The following ENG variants were observed in gnomAD, a reference collection of about 807,000 sequenced individuals.
The protein encoded by ENG is CD105 antigen.
ENG carries 17 observed loss-of-function variants against 71.0 expected under a neutral mutation model. That is an observed-to-expected ratio of 0.24 (90% CI 0.16 to 0.36). ENG has a LOEUF of 0.36. Among genes scored for constraint, ENG ranks in the 10% least tolerant of loss-of-function variants. The pLI is 1.00. For synonymous variants in ENG, 360 were observed against 366.9 expected, an observed-to-expected ratio of 0.98 and a Z score of 0.21; for missense variants, 749 against 868.3, an observed-to-expected ratio of 0.86 and a Z score of 1.73.
chr9:127,825,218 G>A lies in ENG; in HGVS notation c.816+13C>T, dbSNP rs1238436432. The A allele has an allele frequency of 3.1e-6, 5 of 1,612,994 alleles. No individual in the cohort carries two copies. The highest frequency in any genetic ancestry group is 1.3e-5 in the African/African-American group (1 of 74,648). On this transcript the variant is annotated intron_variant, in intron 6 of 14. Transcript: ENST00000373203. ...GTTTGGGTTTTGTGTCCCGGGAGCT[G>A]CGCACAACTCACCCAGATCTGCATG...
chr9:127,819,781 T>G, intron 9 of ENG, 119 bp downstream of exon 9: 1 of 1,604,732 alleles, frequency 6.2e-7, no homozygotes, highest in East Asian at 2.2e-5. Context: ...GCTTGTCTTG[T>G]GTTCTGAGCC....
Position 127,824,287 on chromosome 9 carries a change from G to A in ENG, c.1134+17C>T, listed in dbSNP as rs746679633. On this transcript the variant is annotated intron_variant, in intron 8 of 14. Transcript: ENST00000373203. ...TGTCCATGTCATCCTGAGCCAGAGG[G>A]GCAGGAGTTCCCTTACCGCAACAAG... The A allele has an allele frequency of 4.3e-6, 7 of 1,614,062 alleles. No individual in the cohort carries two copies. In the South Asian group the frequency reaches 4.4e-5, roughly 10 times the overall value.
In ENG at chr9:127,843,205, G is replaced by T; in HGVS notation, c.108C>A (p.Gly36=). Residue 36 remains glycine, a synonymous_variant, in exon 2 of 15, where the codon GGC becomes GGA. Coordinates refer to ENST00000373203, the MANE Select transcript of ENG (RefSeq NM_001114753.3). ...ETVHCDLQPV[G]PERGEVTYTT... ...TATATGTCACCTCGCCCCTCTCGGG[G>T]CCCACAGGCTGAAGGTCACAATGGA... The T allele has an allele frequency of 6.2e-7, 1 of 1,614,236 alleles. No homozygotes were observed. Among genetic ancestry groups the T allele is most frequent in the African/African-American group, 1.3e-5 (1 of 75,068 alleles).
chr9:127,824,473 C>T (rs374734948), intron 7 of ENG, 27 bp from the exon 8 acceptor site: 48 of 1,380,284 alleles, frequency 3.5e-5, no homozygotes, highest in African/African-American at 1.2e-4. Context: ...GCAGGCCAGG[C>T]GGCTGGTCAC....
At chr9:127,845,398 A>G (rs988745625) in intron 1 of ENG, among the ~76,000 whole-genome samples, 11 of 152,216 alleles carry the variant, frequency 7.2e-5, no homozygotes, top group African/African-American at 2.4e-4. Context: ...GAAGATCTGG[A>G]TGAGGACTTC....
Position 127,817,213 on chromosome 9 carries a change from A to G in ENG, c.1687-10T>C. 1 of 1,614,016 alleles carries G rather than the reference A, an allele frequency of 6.2e-7. No individual in the cohort carries two copies. Among genetic ancestry groups the G allele is most frequent in the South Asian group, 1.1e-5 (1 of 91,084 alleles). ...CAGTCCTATGGACTTCCTGGAGGAG[A>G]AAGAGAGAGCAGTATGTGGCACCTT... On this transcript the variant is annotated splice_polypyrimidine_tract_variant and intron_variant, in intron 12 of 14. Transcript: ENST00000373203.
chr9:127,850,600 G>A (rs1831263619), intron 1 of ENG, among the ~76,000 whole-genome samples: 1 of 152,212 alleles, frequency 6.6e-6, no homozygotes, highest in Non-Finnish European at 1.5e-5. Context: ...GCCTCTAAGA[G>A]ACAGGTGTTT....
chr9:127,838,278 C>T lies in ENG; in HGVS notation c.219+4816G>A, dbSNP rs555814579. On this transcript the variant is annotated intron_variant, in intron 2 of 14. Transcript: ENST00000373203. The surrounding 1 kb of genome is among the most constrained non-coding windows in gnomAD (Gnocchi z 4.3). ...GAGCATCATCTAGAAGGGAGGGGTG[C>T]AGGTTTCAGGGGGGTACATCCCTTT... Among the ~76,000 whole-genome samples, 1 of 152,276 alleles carries T rather than the reference C, an allele frequency of 6.6e-6. No homozygotes were observed. Among genetic ancestry groups the T allele is most frequent in the African/African-American group, 2.4e-5 (1 of 41,558 alleles).
At chr9:127,843,495 G>C (rs1485555865) in intron 1 of ENG, among the ~76,000 whole-genome samples, 2 of 151,688 alleles carry the variant, frequency 1.3e-5, no homozygotes, top group Non-Finnish European at 2.9e-5. Flanking sequence ...AGGACACCCA[G>C]CTAAATTTAA....
intron 11 of ENG, 24 bp from the exon 12 acceptor site, chr9:127,818,401 C>T (rs769181191): frequency 3.5e-5 from 57 of 1,611,376 alleles, no homozygotes; most frequent in South Asian, 2.3e-4. Context: ...TAGGGCCACG[C>T]GGCATGGGCA....
chr9:127,838,888 C>T lies in ENG; in HGVS notation c.219+4206G>A, dbSNP rs1242434220. 6.6e-6 allele frequency among the ~76,000 whole-genome samples: 1 copy of T among 152,270 alleles called. No homozygotes were observed. Among genetic ancestry groups the T allele is most frequent in the Non-Finnish European group, 1.5e-5 (1 of 68,018 alleles). On this transcript the variant is annotated intron_variant, in intron 2 of 14. Coordinates refer to ENST00000373203, the MANE Select transcript of ENG (RefSeq NM_001114753.3). This position sits in a 1 kb window ranked among gnomAD's most constrained non-coding sequence, Gnocchi z 4.3. ...CTTCCCCAAGGCTCTCGGCTGCCAC[C>T]GCCCATCTACCACCCACCCACAGGA...
At chr9:127,830,332 A>G in intron 2 of ENG, among the ~76,000 whole-genome samples, 1 of 127,850 alleles carries the variant, frequency 7.8e-6, no homozygotes, top group East Asian at 2.3e-4. Context: ...ACAGAGTGAG[A>G]CTCCATCTAA....
Position 127,818,707 on chromosome 9 carries a change from G to T in ENG, c.1428+9C>A. 1 of 1,613,704 alleles carries T rather than the reference G, an allele frequency of 6.2e-7. No individual in the cohort carries two copies. Among genetic ancestry groups the T allele is most frequent in the East Asian group, 2.2e-5 (1 of 44,878 alleles). ...GGGAGGCCCGAGGGGTGACAGGCAT[G>T]CCAGGTACCTGCACAAAGCTCTGCT... On this transcript the variant is annotated intron_variant, in intron 11 of 14. Transcript: ENST00000373203.
Position 127,829,692 on chromosome 9 carries a change from C to T in ENG, c.355G>A (p.Ala119Thr). Residue 119 changes from alanine to threonine, a missense_variant, in exon 3 of 15, where the codon GCC becomes ACC. Physicochemically the swap from Ala to Thr is moderately conservative, Grantham distance 58 (BLOSUM62 0). Transcript: ENST00000373203. Reference protein sequence around the residue: ...LQALGIPLHLAYNSSLVTFQE... With the variant: ...LQALGIPLHLTYNSSLVTFQE... ...GTTGGAGGGAACACACTCACGTAGG[C>T]CAAGTGCAGTGGGATTCCCAGGGCC... The T allele has an allele frequency of 6.2e-7, 1 of 1,614,038 alleles. No homozygotes were observed. The highest frequency in any genetic ancestry group is 8.5e-7 in the Non-Finnish European group (1 of 1,179,984).
intron 1 of ENG, among the ~76,000 whole-genome samples, chr9:127,847,561 G>A (rs1831195987): frequency 6.6e-6 from 1 of 151,856 alleles, no homozygotes; most frequent in African/African-American, 2.4e-5. Context: ...AGGTTCAAGC[G>A]ATTCTCATGC....
chr9:127,832,044 G>A (rs1830779026), intron 2 of ENG, among the ~76,000 whole-genome samples: 1 of 148,516 alleles, frequency 6.7e-6, no homozygotes, highest in Non-Finnish European at 1.5e-5. Flanking sequence ...CCAAAGTGCT[G>A]GAATTACAGA....
chr9:127,823,411 TG>T (rs1248653038), intron 8 of ENG, among the ~76,000 whole-genome samples: 1 of 149,660 alleles, frequency 6.7e-6, no homozygotes, highest in African/African-American at 2.5e-5. Context: ...TTCTTTGAGA[TG>T]GAGTCTCTCT....
At chr9:127,851,707 C>T (rs1403379869) in intron 1 of ENG, among the ~76,000 whole-genome samples, 2 of 151,830 alleles carry the variant, frequency 1.3e-5, no homozygotes, top group Non-Finnish European at 2.9e-5. Flanking sequence ...GGTGAAACCC[C>T]GTCTCTACTA....
At chr9:127,825,941 A>G (rs1830605582) in intron 4 of ENG, 81 bp from the exon 5 acceptor site, 1 of 1,526,252 alleles carries the variant, frequency 6.6e-7, no homozygotes, top group Middle Eastern at 1.9e-4. Flanking sequence ...ACAGCCAAAG[A>G]TAGTGGTGGG....
Sources: gnomAD v4.1 joint callset for allele counts (sites outside exome capture counted in the v4.1 genomes callset) on GRCh38, gnomAD v4.1.1 for gene constraint, Gnocchi (gnomAD v3.1) non-coding constraint, MANE v1.5 for transcripts, NCBI Gene and HGNC (gene_info 2026-07-23, HGNC 2026-07-21) for gene names.